PLXNA4: variants seen among roughly 807,000 people sequenced by gnomAD.
The protein encoded by PLXNA4 is plexin-A4.
Under a neutral mutation model 191.8 loss-of-function variants are expected in PLXNA4, and 44 were observed. The observed-to-expected ratio is 0.23, with a 90% confidence interval of 0.18 to 0.29. PLXNA4 has a LOEUF of 0.29. PLXNA4 is among the 10% of genes least tolerant of loss of function. The pLI is 1.00. For synonymous variants in PLXNA4, 1,082 were observed against 1,009.5 expected, an observed-to-expected ratio of 1.07 and a Z score of -1.36; for missense variants, 1,800 against 2,488.8, an observed-to-expected ratio of 0.72 and a Z score of 5.89.
intron 3 of PLXNA4, among the ~76,000 whole-genome samples, chr7:132,464,128 G>A (rs1248862430): frequency 6.6e-6 from 1 of 152,182 alleles, no homozygotes; most frequent in East Asian, 1.9e-4. Flanking sequence ...CCACTTAATA[G>A]TTTCTAGTAC....
At chr7:132,642,290 T>A (rs1347431592) in intron 2 of PLXNA4, among the ~76,000 whole-genome samples, 3 of 152,096 alleles carry the variant, frequency 2.0e-5, no homozygotes, top group African/African-American at 4.8e-5. Context: ...ATGATTAAAT[T>A]TCCTCTATTT....
At chr7:132,542,694 A>G (rs995323198) in intron 1 of PLXNA4, among the ~76,000 whole-genome samples, 5 of 152,088 alleles carry the variant, frequency 3.3e-5, no homozygotes, top group African/African-American at 1.2e-4. Flanking sequence ...TATTTATTAT[A>G]CTTCATTTTG....
intron 2 of PLXNA4, among the ~76,000 whole-genome samples, chr7:132,616,110 T>C (rs77777829): frequency 0.019 from 2,914 of 152,186 alleles, 63 homozygotes; most frequent in Middle Eastern, 0.078. Flanking sequence ...GGTCATGCTT[T>C]CTCTTGGCTC....
chr7:132,480,725 G>A (rs1238901622), intron 3 of PLXNA4, among the ~76,000 whole-genome samples: 3 of 152,168 alleles, frequency 2.0e-5, no homozygotes, highest in African/African-American at 4.8e-5. Context: ...GCTGCCTCCT[G>A]GAAAACCTCC....
At chr7:132,568,360 T>A (rs958937612) in intron 1 of PLXNA4, among the ~76,000 whole-genome samples, 18 of 152,176 alleles carry the variant, frequency 1.2e-4, no homozygotes, top group African/African-American at 4.1e-4. Flanking sequence ...CCATTCTTAA[T>A]GTGGTTTCTA....
At chr7:132,487,606 A>C (rs1034526372) in intron 3 of PLXNA4, among the ~76,000 whole-genome samples, 1 of 152,194 alleles carries the variant, frequency 6.6e-6, no homozygotes, top group African/African-American at 2.4e-5. Flanking sequence ...GAGTTTGGCT[A>C]TCTGGTTTCC....
In PLXNA4 at chr7:132,184,873, C is replaced by T. The variant is rs950551687; in HGVS notation, c.3158+426G>A. Among the ~76,000 whole-genome samples the T allele has an allele frequency of 1.1e-4, 17 of 152,118 alleles. 1 individual carries two copies. In the South Asian group the frequency reaches 3.5e-3, roughly 32 times the overall value. ...GCCTCCAGGCTCAGAACACAGCTTC[C>T]CCCAAGGAACCTGACTACAGGGAGT... On this transcript the variant is annotated intron_variant, in intron 16 of 31. Transcript: ENST00000321063.
chr7:132,222,240 G>A (rs753017161), intron 9 of PLXNA4, among the ~76,000 whole-genome samples: 1 of 152,196 alleles, frequency 6.6e-6, no homozygotes, highest in Non-Finnish European at 1.5e-5. Context: ...TTTGGGCCGG[G>A]ATTTTCTGAT....
At chr7:132,234,501 G>A (rs945119870) in intron 5 of PLXNA4, among the ~76,000 whole-genome samples, 5 of 152,132 alleles carry the variant, frequency 3.3e-5, no homozygotes, top group African/African-American at 7.2e-5. Flanking sequence ...GACTGGGAGG[G>A]ACATTGAGAG....
At chr7:132,512,766 A>T (rs951011568) in intron 1 of PLXNA4, among the ~76,000 whole-genome samples, 1 of 152,192 alleles carries the variant, frequency 6.6e-6, no homozygotes, top group South Asian at 2.1e-4. Context: ...AAGAGTTTCC[A>T]GGGGGGTTTC....
At chr7:132,354,753 T>A (rs1337059311) in intron 3 of PLXNA4, among the ~76,000 whole-genome samples, 1 of 152,140 alleles carries the variant, frequency 6.6e-6, no homozygotes, top group Non-Finnish European at 1.5e-5. Context: ...CACGTACAGA[T>A]GTGGCAAAGG....
chr7:132,494,994 T>C (rs562362370), intron 2 of PLXNA4, among the ~76,000 whole-genome samples: 23 of 152,116 alleles, frequency 1.5e-4, no homozygotes, highest in African/African-American at 5.5e-4. Context: ...CCCCAAGAAC[T>C]CTAGACATCA....
rs1037865256 is a variant in PLXNA4, at chr7:132,127,639, G to A, written c.*2840C>T. ...GATGGGCTGTGGCTCTGGATACCTGGCTCAAATTTCTCAGTCCCCAAGCAG... is the reference window on the plus strand; with the variant it reads ...GATGGGCTGTGGCTCTGGATACCTGACTCAAATTTCTCAGTCCCCAAGCAG... On this transcript the variant is annotated 3_prime_UTR_variant, in exon 32 of 32. Coordinates refer to ENST00000321063, the MANE Select transcript of PLXNA4 (RefSeq NM_020911.2). The A allele has an allele frequency of 6.6e-6, 1 of 152,240 alleles. No individual in the cohort carries two copies. The highest frequency in any genetic ancestry group is 2.1e-4 in the South Asian group (1 of 4,822). 9.4% of individuals were successfully genotyped at this position (152,240 alleles called of 1,614,324 possible).
intron 23 of PLXNA4, 149 bp downstream of exon 23, chr7:132,164,985 A>G: frequency 8.2e-7 from 1 of 1,226,714 alleles, no homozygotes; most frequent in South Asian, 1.7e-5. Context: ...GTCTTCCTAG[A>G]CAGTCCATGA....
intron 3 of PLXNA4, among the ~76,000 whole-genome samples, chr7:132,370,067 CAA>C (rs368638967): frequency 0.52 from 57,124 of 110,542 alleles, 13,429 homozygotes; most frequent in African/African-American, 0.72. Context: ...GACTCTGACT[CAA>C]AAAAAAAAAA....
intron 4 of PLXNA4, chr7:132,266,412 C>T (rs1799860252): frequency 6.6e-6 from 1 of 152,150 alleles, no homozygotes; most frequent in African/African-American, 2.4e-5. Context: ...CTTCAAATTA[C>T]TGATTGTTGT....
At chr7:132,188,991 AAGG>A (rs1417217696) in intron 14 of PLXNA4, among the ~76,000 whole-genome samples, 1 of 42,490 alleles carries the variant, frequency 2.4e-5, no homozygotes, top group East Asian at 9.2e-4. Context: ...AAGGAAAGGA[AAGG>A]AGAGAGAGAG....
chr7:132,377,169 T>A (rs1804691147), intron 3 of PLXNA4, among the ~76,000 whole-genome samples: 1 of 152,190 alleles, frequency 6.6e-6, no homozygotes, highest in Admixed American at 6.5e-5. Context: ...GCTTATGTTA[T>A]GAAATATCAG....
intron 2 of PLXNA4, among the ~76,000 whole-genome samples, chr7:132,606,598 C>T (rs1563192858): frequency 6.6e-6 from 1 of 152,200 alleles, no homozygotes; most frequent in African/African-American, 2.4e-5. Context: ...AAATCATTCC[C>T]TAATCCATCA....
Sources: gnomAD v4.1 joint callset for allele counts (sites outside exome capture counted in the v4.1 genomes callset) on GRCh38, gnomAD v4.1.1 for gene constraint, MANE v1.5 for transcripts, NCBI Gene and HGNC (gene_info 2026-07-23, HGNC 2026-07-21) for gene names.